The following TADA2A variants were observed in gnomAD, a reference collection of about 807,000 sequenced individuals.
TADA2A encodes transcriptional adapter 2-alpha.
Under a neutral mutation model 67.4 loss-of-function variants are expected in TADA2A, and 38 were observed. The ratio of observed to expected loss-of-function variants is 0.56; its 90% confidence interval spans 0.44 to 0.74. The LOEUF (loss-of-function observed/expected upper bound fraction) is 0.74, where lower values mean the gene tolerates loss of function less well. Among genes scored for constraint, TADA2A ranks in the 30% least tolerant of loss-of-function variants. TADA2A has a pLI of 0.00. For missense variants in TADA2A, 454 were observed against 547.0 expected (o/e 0.83, Z 1.70); for synonymous variants, 192 against 181.6 (o/e 1.06, Z -0.46).
rs1187466517 is a variant in TADA2A, at chr17:37,479,584, G to A, written c.*2602G>A. The A allele has an allele frequency of 1.3e-5, 2 of 152,168 alleles. No individual in the cohort carries two copies. Among genetic ancestry groups the A allele is most frequent in the African/African-American group, 2.4e-5 (1 of 41,420 alleles). The allele number at this position is 152,168 out of a possible 1,614,324, so 9.4% of individuals were successfully genotyped here. On this transcript the variant is annotated 3_prime_UTR_variant, in exon 16 of 16. Coordinates refer to ENST00000615182, the MANE Select transcript of TADA2A (RefSeq NM_001166105.3). ...TCTCTCCAGATTGTCTCAGAAGAGA[G>A]AGTTTACCCTGAAACTTAATGACAT...
intron 11 of TADA2A, among the ~76,000 whole-genome samples, chr17:37,466,411 C>T (rs1349759837): frequency 6.6e-6 from 1 of 152,134 alleles, no homozygotes; most frequent in African/African-American, 2.4e-5. Flanking sequence ...CAGAGTGAGA[C>T]CCTGTTTCAA....
rs923515898 is a variant in TADA2A at position 37,478,632 on chromosome 17, T to C, written c.*1650T>C. ...GAATAAGAAGCCAAACTTATGGTTA[T>C]CTTGTTTCTGTTAGAAACAAAGTTG... On this transcript the variant is annotated 3_prime_UTR_variant, in exon 16 of 16. Transcript: ENST00000615182. The C allele has an allele frequency of 6.6e-6, 1 of 152,260 alleles. No individual in the cohort carries two copies. The highest frequency in any genetic ancestry group is 1.5e-5 in the Non-Finnish European group (1 of 68,048). 9.4% of individuals were successfully genotyped at this position (152,260 alleles called of 1,614,324 possible).
intron 8 of TADA2A, among the ~76,000 whole-genome samples, chr17:37,446,442 TATC>T (rs905673939): frequency 1.3e-5 from 2 of 151,992 alleles, no homozygotes; most frequent in African/African-American, 4.8e-5. Flanking sequence ...GCTTCATAAA[TATC>T]ATTCTTTTAG....
intron 9 of TADA2A, among the ~76,000 whole-genome samples, 168 bp downstream of exon 9, chr17:37,458,755 C>T (rs2053469629): frequency 6.6e-6 from 1 of 151,944 alleles, no homozygotes; most frequent in South Asian, 2.1e-4. Context: ...TGGCTCACTG[C>T]AGCCTCAACC....
At chr17:37,442,239 T>G (rs901820865) in intron 6 of TADA2A, among the ~76,000 whole-genome samples, 1 of 143,902 alleles carries the variant, frequency 6.9e-6, no homozygotes, top group African/African-American at 2.6e-5. Context: ...GTTGGATGAG[T>G]TTTGTAAATT....
At position 37,421,648 on chromosome 17, in the gene TADA2A, C is replaced by T. The variant is rs535183130; in HGVS notation, c.26-1861C>T. Among the ~76,000 whole-genome samples, 23 of 145,140 alleles carry T rather than the reference C, an allele frequency of 1.6e-4. 1 individual carries two copies. Among genetic ancestry groups the T allele is most frequent in the South Asian group, 9.1e-4 (4 of 4,376 alleles). On this transcript the variant is annotated intron_variant, in intron 2 of 15. Coordinates refer to ENST00000615182, the MANE Select transcript of TADA2A (RefSeq NM_001166105.3). ...AGAAAATAAATTTTAAAAAAGTACC[C>T]GGGTGTGGTGGCTTGTGCCTGTAGT...
chr17:37,472,437 GA>G (rs2053809215), intron 14 of TADA2A, among the ~76,000 whole-genome samples: 1 of 151,920 alleles, frequency 6.6e-6, no homozygotes, highest in South Asian at 2.1e-4. Context: ...ATGGAAAGAA[GA>G]AAAAGGTATT....
chr17:37,466,858 T>TA (rs1461055999), intron 11 of TADA2A, among the ~76,000 whole-genome samples: 1 of 152,132 alleles, frequency 6.6e-6, no homozygotes, highest in Non-Finnish European at 1.5e-5. Context: ...ACTTGGTTGT[T>TA]AAAAAAATTA....
rs2148059744 is a variant in TADA2A at position 37,478,394 on chromosome 17, C to T, written c.*1412C>T. ...CACCCTGTTTTTGCCCTGGGTTTCC[C>T]AGGATACCAAGCCCCTGAGGATGGA... On this transcript the variant is annotated 3_prime_UTR_variant, in exon 16 of 16. Coordinates refer to ENST00000615182, the MANE Select transcript of TADA2A (RefSeq NM_001166105.3). 6.6e-6 allele frequency: 1 copy of T among 152,268 alleles called. No individual in the cohort carries two copies. The highest frequency in any genetic ancestry group is 1.9e-4 in the East Asian group (1 of 5,178). The allele number at this position is 152,268 out of a possible 1,614,324, so 9.4% of individuals were successfully genotyped here.
rs992054868 is a variant in TADA2A, at chr17:37,478,137, A to C, written c.*1155A>C. ...TGTCTCAAAAAAAAAAAAACAAAAA[A>C]AAACCTTTAATGTCTGGCTTTGTAC... On this transcript the variant is annotated 3_prime_UTR_variant, in exon 16 of 16. Transcript: ENST00000615182. The C allele has an allele frequency of 1.3e-5, 2 of 152,164 alleles. No homozygotes were observed. The highest frequency in any genetic ancestry group is 4.8e-5 in the African/African-American group (2 of 41,434). The allele number at this position is 152,164 out of a possible 1,614,324, so 9.4% of individuals were successfully genotyped here.
intron 1 of TADA2A, chr17:37,407,789 A>C (rs897848850): frequency 1.3e-5 from 2 of 152,290 alleles, no homozygotes; most frequent in South Asian, 4.1e-4. Flanking sequence ...GGGTTTCACC[A>C]TGTTGGCCAG....
intron 12 of TADA2A, 128 bp downstream of exon 12, chr17:37,467,653 T>A (rs1382009538): frequency 2.7e-5 from 20 of 749,968 alleles, no homozygotes; most frequent in Non-Finnish European, 2.1e-6. Context: ...GCTTTAAACC[T>A]TTCCAGTAAA....
chr17:37,411,074 A>G (rs1315575457), intron 1 of TADA2A, among the ~76,000 whole-genome samples, 195 bp from the exon 2 acceptor site: 1 of 152,232 alleles, frequency 6.6e-6, no homozygotes, highest in Non-Finnish European at 1.5e-5. Flanking sequence ...TGATTATAAC[A>G]TTTAATTCTC....
rs1195105072 is a variant in TADA2A, at chr17:37,479,346, C to G, written c.*2364C>G. ...CAGAAACCTTGGAAACAGTTGAACTCTGAAAAGCTGATGGCAAATCAGATT... is the reference window on the plus strand; with the variant it reads ...CAGAAACCTTGGAAACAGTTGAACTGTGAAAAGCTGATGGCAAATCAGATT... On this transcript the variant is annotated 3_prime_UTR_variant, in exon 16 of 16. Transcript: ENST00000615182. 1 of 152,078 alleles carries G rather than the reference C, an allele frequency of 6.6e-6. No individual in the cohort carries two copies. Among genetic ancestry groups the G allele is most frequent in the Non-Finnish European group, 1.5e-5 (1 of 68,008 alleles). 9.4% of individuals were successfully genotyped at this position (152,078 alleles called of 1,614,324 possible). A position where few individuals can be genotyped will look rare whatever the true frequency, so the allele number is the denominator to read the frequency against.
At chr17:37,471,890 T>C (rs2053794999) in intron 14 of TADA2A, among the ~76,000 whole-genome samples, 1 of 152,184 alleles carries the variant, frequency 6.6e-6, no homozygotes, top group Non-Finnish European at 1.5e-5. Context: ...AGACCTAAAG[T>C]ATTTCTATTT....
chr17:37,425,823 T>C (rs1238253706), intron 3 of TADA2A, among the ~76,000 whole-genome samples: 4 of 151,100 alleles, frequency 2.6e-5, no homozygotes, highest in Admixed American at 2.6e-4. Flanking sequence ...TAATTTTTTT[T>C]TTTTTTTTTT....
At chr17:37,434,926 T>C (rs1279897532) in intron 4 of TADA2A, among the ~76,000 whole-genome samples, 1 of 152,242 alleles carries the variant, frequency 6.6e-6, no homozygotes, top group African/African-American at 2.4e-5. Context: ...TTCTGAATTT[T>C]TTTGACATGA....
intron 2 of TADA2A, among the ~76,000 whole-genome samples, chr17:37,412,968 C>G: frequency 6.6e-6 from 1 of 151,954 alleles, no homozygotes; most frequent in East Asian, 1.9e-4. Flanking sequence ...TGCTGCATTA[C>G]CCAGGCTGGA....
intron 9 of TADA2A, among the ~76,000 whole-genome samples, chr17:37,461,139 T>G (rs1024353129): frequency 6.6e-6 from 1 of 152,068 alleles, no homozygotes; most frequent in Non-Finnish European, 1.5e-5. Context: ...CTGTTCCACC[T>G]CAGATCATCA....
Sources: gnomAD v4.1 joint callset for allele counts (sites outside exome capture counted in the v4.1 genomes callset) on GRCh38, gnomAD v4.1.1 for gene constraint, MANE v1.5 for transcripts, NCBI Gene and HGNC (gene_info 2026-07-23, HGNC 2026-07-21) for gene names.